The following GSE1 variants were observed in gnomAD, a reference collection of about 807,000 sequenced individuals.
GSE1 encodes the protein genetic suppressor element 1.
A neutral mutation model predicts 112.6 loss-of-function variants in GSE1; 32 were observed. The ratio of observed to expected loss-of-function variants is 0.28; its 90% CI spans 0.21 to 0.38. GSE1 has a LOEUF of 0.38. GSE1 is among the 10% of genes least tolerant of loss of function. The probability of loss-of-function intolerance (pLI) is 1.00; values close to 1 mark genes in which losing one functional copy is unlikely to be tolerated. For synonymous variants in GSE1, 1,115 were observed against 735.6 expected, an observed-to-expected ratio of 1.52 and a Z score of -8.35; for missense variants, 2,348 against 1,699.2, an observed-to-expected ratio of 1.38 and a Z score of -6.71.
At chr16:85,435,615 G>A (rs996405212) in intron 2 of GSE1, among the ~76,000 whole-genome samples, 1 of 151,226 alleles carries the variant, frequency 6.6e-6, no homozygotes, top group African/African-American at 2.4e-5. Flanking sequence ...CCTTGAGTGG[G>A]TTTTGAGGGG....
chr16:85,599,301 C>T (rs147786481), intron 1 of GSE1, among the ~76,000 whole-genome samples: 236 of 152,340 alleles, frequency 1.5e-3, no homozygotes, highest in Non-Finnish European at 2.6e-3. Flanking sequence ...ACGATCACGC[C>T]ACAGGTCAGA....
intron 1 of GSE1, among the ~76,000 whole-genome samples, chr16:85,271,693 A>G (rs79665653): frequency 0.017 from 2,583 of 152,284 alleles, 78 homozygotes; most frequent in African/African-American, 0.06. Context: ...GGGGCCTGTG[A>G]TCAGGTGCCA....
At position 85,419,267 on chromosome 16, in the gene GSE1, C is replaced by T. The variant is rs770686137; in HGVS notation, c.2464+61624C>T. 4.2e-4 allele frequency among the ~76,000 whole-genome samples: 64 copies of T among 152,208 alleles called. No individual in the cohort carries two copies. The highest frequency in any genetic ancestry group is 8.9e-4 in the African/African-American group (37 of 41,524). Reference sequence around the variant, plus strand: ...TACAAAAGGTTCACCTCATAGAGGGCGCTAGAGGCCACCTCAGGAGGCAAC... The same window carrying T: ...TACAAAAGGTTCACCTCATAGAGGGTGCTAGAGGCCACCTCAGGAGGCAAC... On this transcript the variant is annotated intron_variant, in intron 2 of 2. Transcript: ENST00000637419. The surrounding 1 kb of genome is among the most constrained non-coding windows in gnomAD (Gnocchi z 6.5).
intron 2 of GSE1, among the ~76,000 whole-genome samples, chr16:85,525,036 C>T (rs2052318708): frequency 6.6e-6 from 1 of 152,214 alleles, no homozygotes; most frequent in South Asian, 2.1e-4. Flanking sequence ...TCACTGGCTG[C>T]CCGCAGCCTC....
intron 1 of GSE1, among the ~76,000 whole-genome samples, chr16:85,206,706 C>T (rs1439982525): frequency 6.6e-6 from 1 of 151,560 alleles, no homozygotes; most frequent in Non-Finnish European, 1.5e-5. Context: ...GCGTCCTCAG[C>T]AGGCCCCATT....
At chr16:85,475,084 C>G (rs1254946148) in intron 2 of GSE1, among the ~76,000 whole-genome samples, 1 of 152,142 alleles carries the variant, frequency 6.6e-6, no homozygotes, top group Non-Finnish European at 1.5e-5. Context: ...TAATAACACT[C>G]CCCGATGGGT....
At chr16:85,214,559 T>G (rs971435731) in intron 1 of GSE1, among the ~76,000 whole-genome samples, 1 of 152,130 alleles carries the variant, frequency 6.6e-6, no homozygotes, top group African/African-American at 2.4e-5. Context: ...GAATCCAGAC[T>G]TCTCCTAACC....
chr16:85,422,915 G>A (rs1212944575), intron 2 of GSE1, among the ~76,000 whole-genome samples: 1 of 152,180 alleles, frequency 6.6e-6, no homozygotes, highest in African/African-American at 2.4e-5. Flanking sequence ...TTGCTCACCT[G>A]CCTGGCTGCT....
At position 85,253,058 on chromosome 16, in the gene GSE1, G is replaced by GCCC. The variant is rs748803903; in HGVS notation, c.2283+81259_2283+81261dup. Among the ~76,000 whole-genome samples the GCCC allele has an allele frequency of 7.6e-3, 356 of 47,136 alleles. 5 individuals are homozygous for GCCC. Among genetic ancestry groups the GCCC allele is most frequent in the East Asian group, 0.011 (13 of 1,132 alleles). 30.9% of individuals were successfully genotyped at this position (47,136 alleles called of 152,430 possible). A position where few individuals can be genotyped will look rare whatever the true frequency, so the allele number is the denominator to read the frequency against. The stretch of plus-strand genomic sequence containing the variant: ...GCGGCTCCAGCTCATAGGCGCCCCC[G>GCCC]CCCCCCCCCCACCCCCCCCCCCCCA... On this transcript the variant is annotated intron_variant, in intron 1 of 2. Coordinates refer to the GSE1 transcript ENST00000637419.
chr16:85,534,328 G>C (rs1055053582), intron 2 of GSE1, among the ~76,000 whole-genome samples: 2 of 151,902 alleles, frequency 1.3e-5, no homozygotes, highest in African/African-American at 4.8e-5. Context: ...CACCATGTTG[G>C]CCAGGCTGGT....
chr16:85,589,055 C>T (rs548905152), intron 1 of GSE1, among the ~76,000 whole-genome samples: 3 of 152,310 alleles, frequency 2.0e-5, no homozygotes, highest in Non-Finnish European at 4.4e-5. Flanking sequence ...GTGCTGACTT[C>T]CAGGCCCCCA....
intron 1 of GSE1, among the ~76,000 whole-genome samples, chr16:85,352,681 G>C (rs1451814395): frequency 6.6e-6 from 1 of 152,202 alleles, no homozygotes; most frequent in East Asian, 1.9e-4. Flanking sequence ...TTACCTGGCT[G>C]AGAACTTTTG....
At chr16:85,575,644 T>C (rs2151358567) in intron 1 of GSE1, among the ~76,000 whole-genome samples, 1 of 152,174 alleles carries the variant, frequency 6.6e-6, no homozygotes, top group East Asian at 1.9e-4. Flanking sequence ...GTTTTTTTCC[T>C]CCCCCTTAAT....
intron 13 of GSE1, 70 bp downstream of exon 13, chr16:85,666,417 C>T: frequency 2.0e-6 from 3 of 1,490,378 alleles, no homozygotes; most frequent in South Asian, 2.3e-5. Context: ...CTGAGCGCCA[C>T]AGCTGCTCAG....
At chr16:85,572,168 T>C (rs2046015845) in intron 1 of GSE1, among the ~76,000 whole-genome samples, 1 of 109,702 alleles carries the variant, frequency 9.1e-6, no homozygotes. Context: ...ACACACTGAA[T>C]ACTACACACA....
At chr16:85,385,285 C>T (rs1490529102) in intron 2 of GSE1, among the ~76,000 whole-genome samples, 1 of 152,182 alleles carries the variant, frequency 6.6e-6, no homozygotes, top group Non-Finnish European at 1.5e-5. Flanking sequence ...CGTCTCTGGC[C>T]CAGGTGCAGG....
intron 1 of GSE1, among the ~76,000 whole-genome samples, chr16:85,286,553 A>C (rs143245313): frequency 0.029 from 4,416 of 152,296 alleles, 94 homozygotes; most frequent in Non-Finnish European, 0.046. Context: ...GCTGGCCCGG[A>C]GGACTGGGGA....
intron 2 of GSE1, among the ~76,000 whole-genome samples, chr16:85,383,673 C>T (rs972239702): frequency 7.2e-5 from 11 of 152,144 alleles, no homozygotes; most frequent in African/African-American, 2.7e-4. Flanking sequence ...CTCTCATTGC[C>T]TCATGGGTGT....
At chr16:85,187,337 C>T (rs112952932) in intron 1 of GSE1, among the ~76,000 whole-genome samples, 4 of 152,368 alleles carry the variant, frequency 2.6e-5, no homozygotes, top group Admixed American at 6.5e-5. Context: ...GACAGAGCGA[C>T]GCTGGGCAGT....
Sources: allele counts gnomAD v4.1 joint callset (sites outside exome capture counted in the v4.1 genomes callset), GRCh38; gene constraint gnomAD v4.1.1; non-coding constraint Gnocchi (gnomAD v3.1); transcripts MANE v1.5; gene names NCBI Gene and HGNC (gene_info 2026-07-23, HGNC 2026-07-21).